AIG1: variants seen among roughly 807,000 people sequenced by gnomAD.
AIG1 encodes the protein androgen induced 1.
In AIG1, 23 loss-of-function variants were observed where a neutral mutation model predicts 31.4. The observed-to-expected ratio is 0.73, with a 90% CI of 0.53 to 1.04. The LOEUF (loss-of-function observed/expected upper bound fraction) is 1.04, where lower values mean the gene tolerates loss of function less well. Ranked by LOEUF, AIG1 falls within the 50% of genes least tolerant of loss-of-function variation. AIG1 has a pLI of 0.00. For missense variants in AIG1, 274 were observed against 295.0 expected, an observed-to-expected ratio of 0.93 and a Z score of 0.52; for synonymous variants, 100 against 110.5, an observed-to-expected ratio of 0.90 and a Z score of 0.60.
At chr6:143,171,426 T>C in intron 3 of AIG1, among the ~76,000 whole-genome samples, 1 of 106,554 alleles carries the variant, frequency 9.4e-6, no homozygotes, top group Non-Finnish European at 1.7e-5. Flanking sequence ...ATATATAATA[T>C]ATATAATATA....
intron 3 of AIG1, among the ~76,000 whole-genome samples, chr6:143,209,209 C>T (rs1253164530): frequency 6.6e-6 from 1 of 152,198 alleles, no homozygotes; most frequent in Non-Finnish European, 1.5e-5. Flanking sequence ...TTACCACGTA[C>T]TGAATTTACC....
At chr6:143,187,311 A>G in intron 3 of AIG1, 1 of 1,233,676 alleles carries the variant, frequency 8.1e-7, no homozygotes, top group Non-Finnish European at 1.1e-6. Flanking sequence ...ATTCACACAT[A>G]TGGCAAATAT....
At chr6:143,211,747 G>T (rs1791605708) in intron 3 of AIG1, among the ~76,000 whole-genome samples, 1 of 152,096 alleles carries the variant, frequency 6.6e-6, no homozygotes, top group African/African-American at 2.4e-5. Flanking sequence ...GCAAAAATTA[G>T]CTGGATGTGG....
intron 3 of AIG1, among the ~76,000 whole-genome samples, chr6:143,222,917 T>C (rs954472355): frequency 5.9e-5 from 9 of 152,342 alleles, no homozygotes; most frequent in Middle Eastern, 6.8e-3. Flanking sequence ...CAGCTCATCC[T>C]TAACAACTGA....
At chr6:143,226,246 A>T (rs2014922) in intron 3 of AIG1, among the ~76,000 whole-genome samples, 9,251 of 142,022 alleles carry the variant, frequency 0.065, 685 homozygotes, top group African/African-American at 0.18. Context: ...ATATATATAT[A>T]TTTTTTTTTT....
At chr6:143,197,194 G>A (rs1322841274) in intron 3 of AIG1, among the ~76,000 whole-genome samples, 2 of 149,092 alleles carry the variant, frequency 1.3e-5, no homozygotes, top group South Asian at 2.1e-4. Context: ...TTTTTTTCCT[G>A]TAGGACAGTA....
intron 4 of AIG1, among the ~76,000 whole-genome samples, chr6:143,309,627 G>A (rs952420169): frequency 6.6e-6 from 1 of 151,858 alleles, no homozygotes. Flanking sequence ...GTTAAAATAT[G>A]GTAGTTATTA....
chr6:143,189,910 C>T (rs1398624935), intron 3 of AIG1: 7 of 828,932 alleles, frequency 8.4e-6, no homozygotes, highest in Non-Finnish European at 1.0e-5. Context: ...GTTCTAGAGC[C>T]TGGGAAGTCC....
intron 3 of AIG1, among the ~76,000 whole-genome samples, chr6:143,180,514 A>G (rs575102512): frequency 6.6e-6 from 1 of 152,362 alleles, no homozygotes; most frequent in East Asian, 1.9e-4. Context: ...TGAAGTAAAT[A>G]TATACTGAAA....
At chr6:143,285,209 C>G (rs558262117) in intron 4 of AIG1, among the ~76,000 whole-genome samples, 1 of 152,054 alleles carries the variant, frequency 6.6e-6, no homozygotes, top group Non-Finnish European at 1.5e-5. Flanking sequence ...ACACACTTTG[C>G]ATAAACAATC....
At chr6:143,096,544 C>T (rs543210474) in intron 1 of AIG1, among the ~76,000 whole-genome samples, 1 of 152,250 alleles carries the variant, frequency 6.6e-6, no homozygotes, top group African/African-American at 2.4e-5. Context: ...TCTCTTCTTG[C>T]TCTTAAATTG....
At chr6:143,199,053 C>G (rs1790482742) in intron 3 of AIG1, among the ~76,000 whole-genome samples, 1 of 152,126 alleles carries the variant, frequency 6.6e-6, no homozygotes, top group South Asian at 2.1e-4. Context: ...AATTGAAGGT[C>G]TCCTTTCTCC....
intron 1 of AIG1, among the ~76,000 whole-genome samples, chr6:143,088,513 C>G (rs950060062): frequency 6.6e-6 from 1 of 152,122 alleles, no homozygotes; most frequent in Non-Finnish European, 1.5e-5. Flanking sequence ...GTAGAGATCA[C>G]AAAATATAGC....
chr6:143,133,828 A>G (rs1238446226), intron 1 of AIG1, among the ~76,000 whole-genome samples: 1 of 152,110 alleles, frequency 6.6e-6, no homozygotes, highest in Non-Finnish European at 1.5e-5. Flanking sequence ...CTTATCCTCC[A>G]TCATGTTTCC....
In AIG1 at chr6:143,326,307, C is replaced by T. The variant is rs1271867459; in HGVS notation, c.516-6975C>T. On this transcript the variant is annotated intron_variant, in intron 4 of 5. Coordinates refer to ENST00000357847, the MANE Select transcript of AIG1 (RefSeq NM_016108.4). The surrounding 1 kb of genome is among the most constrained non-coding windows in gnomAD (Gnocchi z 4.5). ...TTGATCACAACAAAAGTGTTCTCTT[C>T]TTGAACTTCTGGGAGCGTTCTCTTG... 6.6e-6 allele frequency among the ~76,000 whole-genome samples: 1 copy of T among 152,198 alleles called. No individual in the cohort carries two copies. Among genetic ancestry groups the T allele is most frequent in the African/African-American group, 2.4e-5 (1 of 41,458 alleles).
At chr6:143,295,202 C>G (rs548759565) in intron 4 of AIG1, among the ~76,000 whole-genome samples, 20 of 152,294 alleles carry the variant, frequency 1.3e-4, no homozygotes, top group South Asian at 1.0e-3. Flanking sequence ...TTCTGTACCT[C>G]CAGTGTACTT....
chr6:143,327,398 TC>T lies in AIG1; in HGVS notation c.516-5883del. The T allele has an allele frequency of 9.2e-6, 3 of 325,138 alleles. No homozygotes were observed. In the South Asian group the frequency reaches 9.3e-5, roughly 10 times the overall value. 20.1% of individuals were successfully genotyped at this position (325,138 alleles called of 1,614,324 possible). A position where few individuals can be genotyped will look rare whatever the true frequency, so the allele number is the denominator to read the frequency against. On this transcript the variant is annotated intron_variant, in intron 4 of 5. Transcript: ENST00000357847. This position sits in a 1 kb window ranked among gnomAD's most constrained non-coding sequence, Gnocchi z 5.3. ...CGTCCATGGAGTGGGCTTCAAGAAG[TC>T]TGCCCCTTGGGCACTCAAAGAGATC... is the stretch of plus-strand genomic sequence containing the variant.
chr6:143,246,775 C>T (rs1285329265), intron 3 of AIG1, among the ~76,000 whole-genome samples: 2 of 152,108 alleles, frequency 1.3e-5, no homozygotes, highest in Non-Finnish European at 2.9e-5. Context: ...AAGGTTTAGC[C>T]AACTATGAAC....
At chr6:143,209,396 G>A (rs1253632332) in intron 3 of AIG1, among the ~76,000 whole-genome samples, 1 of 152,188 alleles carries the variant, frequency 6.6e-6, no homozygotes, top group South Asian at 2.1e-4. Context: ...AATTGCTAAT[G>A]AGCTAACTTT....
Sources: gnomAD v4.1 joint callset for allele counts (sites outside exome capture counted in the v4.1 genomes callset) on GRCh38, gnomAD v4.1.1 for gene constraint, Gnocchi (gnomAD v3.1) non-coding constraint, MANE v1.5 for transcripts, NCBI Gene and HGNC (gene_info 2026-07-23, HGNC 2026-07-21) for gene names.